The following PRRC2C variants were observed in gnomAD, a reference collection of about 807,000 sequenced individuals.
The protein encoded by PRRC2C is proline rich coiled-coil 2C, also known as protein PRRC2C.
PRRC2C carries 72 observed loss-of-function variants against 317.2 expected under a neutral mutation model. The ratio of observed to expected loss-of-function variants is 0.23; its 90% CI spans 0.19 to 0.28. PRRC2C has a LOEUF of 0.28. PRRC2C is among the 10% of genes least tolerant of loss of function. The probability of loss-of-function intolerance (pLI) is 1.00; values close to 1 mark genes in which losing one functional copy is unlikely to be tolerated. For missense variants in PRRC2C, 3,074 were observed against 3,459.7 expected (o/e 0.89, Z 2.80); for synonymous variants, 1,296 against 1,205.9 (o/e 1.07, Z -1.55).
rs745797468 is a variant in PRRC2C, at chr1:171,589,463, C to T, written c.8294C>T (p.Ala2765Val). 1.7e-4 allele frequency: 223 copies of T among 1,289,812 alleles called. No homozygotes were observed. Among genetic ancestry groups the T allele is most frequent in the Non-Finnish European group, 2.2e-4 (218 of 988,840 alleles). 79.9% of individuals were successfully genotyped at this position (1,289,812 alleles called of 1,614,324 possible). Residue 2765 changes from alanine to valine, a missense_variant, in exon 34 of 35, where the codon GCC becomes GTC. Physicochemically the swap from Ala to Val is moderately conservative, Grantham distance 64. Coordinates refer to ENST00000647382, the MANE Select transcript of PRRC2C (RefSeq NM_001387844.1). ...APVQRPPMAL[A>V]SQMPPPLTTG... ...GTTCAGAGGCCACCAATGGCACTGG[C>T]CAGTCAGATGCCTCCTCCGCTGACC...
intron 27 of PRRC2C, 91 bp from the exon 28 acceptor site, chr1:171,579,735 CTT>C (rs1648079962): frequency 1.4e-6 from 2 of 1,384,434 alleles, no homozygotes; most frequent in African/African-American, 2.9e-5. Flanking sequence ...TAATTTTACT[CTT>C]TTCATGTCTC....
chr1:171,519,842 G>C (rs1260898847), intron 6 of PRRC2C, among the ~76,000 whole-genome samples: 1 of 152,090 alleles, frequency 6.6e-6, no homozygotes, highest in African/African-American at 2.4e-5. Flanking sequence ...TCATGAATTT[G>C]TATGTTATTT....
chr1:171,494,277 A>G (rs181661231), intron 1 of PRRC2C, among the ~76,000 whole-genome samples: 1 of 152,290 alleles, frequency 6.6e-6, no homozygotes, highest in Admixed American at 6.5e-5. Context: ...CTTAATTCAC[A>G]TGTTTCAGTT....
At chr1:171,533,016 G>A (rs1345702025) in intron 12 of PRRC2C, 55 bp downstream of exon 12, 4 of 1,451,458 alleles carry the variant, frequency 2.8e-6, no homozygotes, top group South Asian at 3.1e-5. Context: ...CTTTATGTTG[G>A]TTACAGTTTG....
chr1:171,511,596 G>A (rs1040433577), intron 1 of PRRC2C: 2 of 152,368 alleles, frequency 1.3e-5, no homozygotes, highest in African/African-American at 4.8e-5. Context: ...ATAGAGCTTT[G>A]TTGGGCACAT....
chr1:171,529,106 T>C (rs1276397687), intron 11 of PRRC2C, among the ~76,000 whole-genome samples: 6 of 152,206 alleles, frequency 3.9e-5, no homozygotes, highest in Non-Finnish European at 7.3e-5. Flanking sequence ...TAAAACACTT[T>C]TTTATCTACT....
chr1:171,591,300 G>A (rs1466396910), intron 34 of PRRC2C: 1 of 889,760 alleles, frequency 1.1e-6, no homozygotes, highest in Non-Finnish European at 1.4e-6. Flanking sequence ...TTTTAGATTT[G>A]CAAGCAGGTT....
intron 24 of PRRC2C, among the ~76,000 whole-genome samples, chr1:171,573,525 AAAAG>A (rs757684720): frequency 1.3e-5 from 2 of 152,272 alleles, no homozygotes; most frequent in South Asian, 2.1e-4. Flanking sequence ...GATTTTGAGA[AAAAG>A]AAAAGATTTC....
At chr1:171,533,786 G>A (rs567129729) in intron 12 of PRRC2C, among the ~76,000 whole-genome samples, 37 of 152,256 alleles carry the variant, frequency 2.4e-4, no homozygotes, top group Admixed American at 2.4e-3. Flanking sequence ...ACCGCACCCA[G>A]CTAATTTTTG....
chr1:171,584,555 A>AT, intron 30 of PRRC2C, 29 bp downstream of exon 30: 1 of 1,514,330 alleles, frequency 6.6e-7, no homozygotes, highest in Non-Finnish European at 8.8e-7. Flanking sequence ...AATTTCCTCA[A>AT]TTTTCTTTAT....
chr1:171,542,169 A>T lies in PRRC2C; in HGVS notation c.4703A>T (p.Asn1568Ile). The part of the protein sequence containing the change: ...GNNGPPKSGR[N>I]FSGPRNERRS... ...AATGGTCCACCCAAATCAGGAAGGA[A>T]TTTCTCAGGTCCTAGAAATGAAAGG... Residue 1568 changes from asparagine (N) to isoleucine (I), a missense_variant, in exon 16 of 35, where the codon AAT becomes ATT. Physicochemically the swap from Asn to Ile is moderately radical, Grantham distance 149 (BLOSUM62 -3). This residue lies in a region of PRRC2C where 178 missense variants were observed against 163.0 expected (regional missense o/e 1.09). Transcript: ENST00000647382. The T allele has an allele frequency of 6.2e-7, 1 of 1,604,154 alleles. No individual in the cohort carries two copies. Among genetic ancestry groups the T allele is most frequent in the Admixed American group, 1.7e-5 (1 of 57,830 alleles).
At chr1:171,558,236 T>C in intron 19 of PRRC2C, 93 bp downstream of exon 19, 10 of 1,359,318 alleles carry the variant, frequency 7.4e-6, no homozygotes, top group Non-Finnish European at 9.7e-6. Flanking sequence ...AAGTGTTTTC[T>C]AGCCATCTCA....
chr1:171,534,116 A>C (rs1012386853), intron 12 of PRRC2C, among the ~76,000 whole-genome samples: 4 of 152,210 alleles, frequency 2.6e-5, no homozygotes, highest in Non-Finnish European at 5.9e-5. Flanking sequence ...GTTACCTTCA[A>C]ACTTGGCTCT....
chr1:171,566,125 T>G, intron 20 of PRRC2C, 108 bp from the exon 21 acceptor site: 1 of 833,150 alleles, frequency 1.2e-6, no homozygotes, highest in Admixed American at 3.0e-5. Flanking sequence ...TCAGTTAATA[T>G]GTAGATTGTC....
intron 20 of PRRC2C, among the ~76,000 whole-genome samples, chr1:171,562,538 A>G (rs1682902809): frequency 6.6e-6 from 1 of 152,216 alleles, no homozygotes; most frequent in Admixed American, 6.5e-5. Flanking sequence ...GTCATGAGAA[A>G]TAGTTGGTTT....
Position 171,592,045 on chromosome 1 carries a change from G to T in PRRC2C, c.*198G>T. ...AGTGAAAACGAGGCTTTGCAAGCTT[G>T]TACCTACTATATAACATGTGCTTGG... is the stretch of plus-strand genomic sequence containing the variant. On this transcript the variant is annotated 3_prime_UTR_variant, in exon 35 of 35. Transcript: ENST00000647382. 1 of 601,880 alleles carries T rather than the reference G, an allele frequency of 1.7e-6. No individual in the cohort carries two copies. Among genetic ancestry groups the T allele is most frequent in the Middle Eastern group, 4.6e-4 (1 of 2,170 alleles). The allele number at this position is 601,880 out of a possible 1,614,324, so 37.3% of individuals were successfully genotyped here.
intron 1 of PRRC2C, among the ~76,000 whole-genome samples, chr1:171,501,670 A>G (rs1461650977): frequency 1.3e-5 from 2 of 152,210 alleles, no homozygotes; most frequent in Admixed American, 6.5e-5. Flanking sequence ...TAACATTGTA[A>G]AAGTAATAAA....
intron 20 of PRRC2C, 81 bp from the exon 21 acceptor site, chr1:171,566,152 A>G (rs995845312): frequency 3.5e-6 from 4 of 1,129,922 alleles, no homozygotes; most frequent in African/African-American, 1.6e-5. Flanking sequence ...CTTCTATTGT[A>G]CTTAAACTGT....
intron 28 of PRRC2C, among the ~76,000 whole-genome samples, chr1:171,583,408 C>A (rs1480174247): frequency 1.3e-5 from 2 of 151,962 alleles, no homozygotes; most frequent in South Asian, 4.1e-4. Flanking sequence ...AATATACTTT[C>A]ATCTACCTCC....
Sources: allele counts gnomAD v4.1 joint callset (sites outside exome capture counted in the v4.1 genomes callset), GRCh38; gene constraint gnomAD v4.1.1; regional missense constraint gnomAD v4.1.1; transcripts MANE v1.5; gene names NCBI Gene and HGNC (gene_info 2026-07-23, HGNC 2026-07-21).